Variants in FIGNL2 observed in about 807,000 individuals in gnomAD.
The protein encoded by FIGNL2 is fidgetin-like protein 2.
For missense variants in FIGNL2, 1,060 were observed against 950.2 expected (o/e 1.12, Z -1.52); for synonymous variants, 565 against 484.0 (o/e 1.17, Z -2.20).
At position 51,821,846 on chromosome 12, in the gene FIGNL2, G is replaced by C. The variant is rs1221438716; in HGVS notation, c.568C>G (p.Pro190Ala). The change falls in exon 2 of 2, where the codon CCC (proline) becomes GCC (alanine). Residue 190 changes from proline to alanine, a missense_variant. Transcript: ENST00000618634. The stretch of plus-strand genomic sequence containing the variant: ...GGCCCGTACCCCGGAGGCGGTGGGG[G>C]CTGCAGGAGCGCGGCCGGGGGCGGC... ...PPPPPAALLQ[P>A]PPPPGYGPSA... is the part of the protein sequence containing the mutation. 7.8e-7 allele frequency: 1 copy of C among 1,286,890 alleles called. No individual in the cohort carries two copies. Among genetic ancestry groups the C allele is most frequent in the Non-Finnish European group, 9.8e-7 (1 of 1,020,470 alleles). The allele number at this position is 1,286,890 out of a possible 1,614,324, so 79.7% of individuals were successfully genotyped here. A position where few individuals can be genotyped will look rare whatever the true frequency, so the allele number is the denominator to read the frequency against.
chr12:51,836,268 GGA>G (rs917901623), intron 1 of FIGNL2, among the ~76,000 whole-genome samples: 5 of 152,168 alleles, frequency 3.3e-5, no homozygotes, highest in African/African-American at 4.8e-5. Context: ...AGGCGGAGGA[GGA>G]GGAGAGGAAG....
At chr12:51,842,417 C>A (rs2139001339) in intron 1 of FIGNL2, among the ~76,000 whole-genome samples, 1 of 152,282 alleles carries the variant, frequency 6.6e-6, no homozygotes, top group East Asian at 1.9e-4. Context: ...TTTGCTCCAG[C>A]AGAAGGCAAC....
At position 51,821,157 on chromosome 12, in the gene FIGNL2, C is replaced by G. The variant is rs941382428; in HGVS notation, c.1257G>C (p.Pro419=). The stretch of plus-strand genomic sequence containing the variant: ...CGGTCCGCGGCGGGCGCAGGCTGCC[C>G]GGGTAGGCGGGCGGCCTGAGCAGGG... ...VWPLLRPPAY[P]GSLRPPRTVL... is the part of the protein sequence containing the mutation. Residue 419 remains proline (P), a synonymous_variant, in exon 2 of 2, where the codon CCG becomes CCC. Transcript: ENST00000618634. The G allele has an allele frequency of 1.8e-5, 26 of 1,476,442 alleles. No homozygotes were observed. The highest frequency in any genetic ancestry group is 2.2e-5 in the Non-Finnish European group (25 of 1,124,788). The allele number at this position is 1,476,442 out of a possible 1,614,324, so 91.5% of individuals were successfully genotyped here.
At chr12:51,844,451 G>A (rs1181049729) in intron 1 of FIGNL2, among the ~76,000 whole-genome samples, 3 of 152,198 alleles carry the variant, frequency 2.0e-5, no homozygotes, top group African/African-American at 7.2e-5. Context: ...CCTTGGCTAA[G>A]CAAACTGGGG....
chr12:51,822,573 C>T (rs1939247261), intron 1 of FIGNL2, 149 bp from the exon 2 acceptor site: 4 of 807,498 alleles, frequency 5.0e-6, no homozygotes, highest in African/African-American at 1.7e-5. Context: ...TCTTGGGGCC[C>T]TCCCTCCAGG....
At chr12:51,844,596 ACT>A (rs1939712775) in intron 1 of FIGNL2, 2 of 702,452 alleles carry the variant, frequency 2.8e-6, no homozygotes, top group African/African-American at 3.9e-5. Context: ...ACCATTCTTC[ACT>A]CTATTTTCTC....
chr12:51,847,683 C>T lies in FIGNL2; in HGVS notation c.-12+857G>A, dbSNP rs944613256. The T allele has an allele frequency of 2.5e-5, 25 of 985,284 alleles. No individual in the cohort carries two copies. The South Asian group carries it at 9.9e-4, about 39-fold the overall frequency. 61.0% of individuals were successfully genotyped at this position (985,284 alleles called of 1,614,324 possible). ...TCCTCCTCTGGCGGGGGCAGGGGGA[C>T]CAGCGGGGCTGGGGAAGGGCACCAG... On this transcript the variant is annotated intron_variant, in intron 1 of 1. Coordinates refer to ENST00000618634, the MANE Select transcript of FIGNL2 (RefSeq NM_001384995.1).
chr12:51,821,333 C>T lies in FIGNL2; in HGVS notation c.1081G>A (p.Val361Met), dbSNP rs1216582544. 1.3e-6 allele frequency: 2 copies of T among 1,500,788 alleles called. No individual in the cohort carries two copies. The highest frequency in any genetic ancestry group is 2.2e-5 in the Admixed American group (1 of 46,102). The allele number at this position is 1,500,788 out of a possible 1,614,324, so 93.0% of individuals were successfully genotyped here. The stretch of plus-strand genomic sequence containing the variant: ...CCTTTGGGAGTCTCCCCCGACGGCA[C>T]GGCGAACCCCCCACGAGGAGCCGGG... The part of the protein sequence containing the change: ...RAPAPRGGFA[V>M]PSGETPKGVD... Residue 361 changes from valine to methionine, a missense_variant, in exon 2 of 2, where the codon GTG (valine) becomes ATG (methionine). By Grantham distance (21) the Val-to-Met change is conservative (BLOSUM62 1). Transcript: ENST00000618634.
rs1939195776 is a variant in FIGNL2, at chr12:51,821,533, G to A, written c.881C>T (p.Ala294Val). Residue 294 changes from alanine to valine, a missense_variant, in exon 2 of 2, where the codon GCC (alanine) becomes GTC (valine). Transcript: ENST00000618634. ...GCCGTTGTCCGCGGCGGGGTAGGAG[G>A]CTCCGTCAGCCACGGGGGCCTTGGC... is the stretch of plus-strand genomic sequence containing the variant. ...EPAKAPVADG[A>V]SYPAADNGEC... 6.4e-7 allele frequency: 1 copy of A among 1,561,962 alleles called. No homozygotes were observed. Among genetic ancestry groups the A allele is most frequent in the Admixed American group, 1.8e-5 (1 of 56,972 alleles).
intron 1 of FIGNL2, chr12:51,835,391 C>T (rs993873969): frequency 6.6e-6 from 1 of 152,370 alleles, no homozygotes. Context: ...CCGCATTCCC[C>T]TTCGAGGCAG....
chr12:51,842,229 C>A (rs1291283736), intron 1 of FIGNL2: 3 of 152,234 alleles, frequency 2.0e-5, no homozygotes, highest in African/African-American at 7.2e-5. Flanking sequence ...TGAGGAGGGC[C>A]ACAGTGTGGA....
chr12:51,847,996 G>A, intron 1 of FIGNL2: 1 of 639,762 alleles, frequency 1.6e-6, no homozygotes, highest in Non-Finnish European at 1.9e-6. Flanking sequence ...TTAGGGGCGC[G>A]GGGACCCTAA....
Position 51,820,195 on chromosome 12 carries a change from C to T in FIGNL2, c.*257G>A. Reference sequence around the variant, plus strand: ...CCAGCCCATGCCGGATCTGCCCGGTCTGCCGGGCGGAGATGGCGAGCTTCC... The same window carrying T: ...CCAGCCCATGCCGGATCTGCCCGGTTTGCCGGGCGGAGATGGCGAGCTTCC... On this transcript the variant is annotated 3_prime_UTR_variant, in exon 2 of 2. Coordinates refer to ENST00000618634, the MANE Select transcript of FIGNL2 (RefSeq NM_001384995.1). 1 of 496,186 alleles carries T rather than the reference C, an allele frequency of 2.0e-6. No homozygotes were observed. Among genetic ancestry groups the T allele is most frequent in the South Asian group, 2.3e-5 (1 of 44,220 alleles). The allele number at this position is 496,186 out of a possible 1,614,324, so 30.7% of individuals were successfully genotyped here. A position where few individuals can be genotyped will look rare whatever the true frequency, so the allele number is the denominator to read the frequency against.
At chr12:51,848,083 C>CCACA (rs146738461) in intron 1 of FIGNL2, 199 of 886,008 alleles carry the variant, frequency 2.2e-4, no homozygotes, top group East Asian at 6.3e-4. Context: ...CCCACCCCTC[C>CCACA]CACACACACA....
At chr12:51,831,349 C>T (rs1939462385) in intron 1 of FIGNL2, among the ~76,000 whole-genome samples, 1 of 152,128 alleles carries the variant, frequency 6.6e-6, no homozygotes, top group Non-Finnish European at 1.5e-5. Context: ...CTCGGAGGCT[C>T]CAGGAGAAAA....
In FIGNL2 at chr12:51,820,255, G is replaced by A; in HGVS notation, c.*197C>T. The A allele has an allele frequency of 1.5e-6, 1 of 682,384 alleles. No individual in the cohort carries two copies. The highest frequency in any genetic ancestry group is 1.9e-5 in the South Asian group (1 of 51,860). 42.3% of individuals were successfully genotyped at this position (682,384 alleles called of 1,614,324 possible). ...TAAATAGGAAAAACCTGAGTACACG[G>A]CGCATATGGCATCTGCCTGGCAGAA... On this transcript the variant is annotated 3_prime_UTR_variant, in exon 2 of 2. Coordinates refer to ENST00000618634, the MANE Select transcript of FIGNL2 (RefSeq NM_001384995.1).
chr12:51,846,728 G>A (rs1939758369), intron 1 of FIGNL2, among the ~76,000 whole-genome samples: 1 of 152,086 alleles, frequency 6.6e-6, no homozygotes, highest in South Asian at 2.1e-4. Context: ...TCTGGGGCGG[G>A]GGTGGGGGCA....
rs1306664371 is a variant in FIGNL2 at position 51,821,600 on chromosome 12, C to G, written c.814G>C (p.Glu272Gln). 3 of 1,505,932 alleles carry G rather than the reference C, an allele frequency of 2.0e-6. No individual in the cohort carries two copies. The highest frequency in any genetic ancestry group is 2.6e-6 in the Non-Finnish European group (3 of 1,133,396). The allele number at this position is 1,505,932 out of a possible 1,614,324, so 93.3% of individuals were successfully genotyped here. ...TTGCGGTAGCGGCCCTCGGGCCCCTCGTCGGCGGCCTTGCGCTTCAGCGAC... is the reference window on the plus strand; with the variant it reads ...TTGCGGTAGCGGCCCTCGGGCCCCTGGTCGGCGGCCTTGCGCTTCAGCGAC... ...GLSLKRKAADEGPEGRYRKYA... is the reference protein window; with the variant it reads ...GLSLKRKAADQGPEGRYRKYA... Residue 272 changes from glutamate (E) to glutamine (Q), a missense_variant, in exon 2 of 2, where the codon GAG becomes CAG. By Grantham distance (29) the Glu-to-Gln change is conservative. Transcript: ENST00000618634.
At chr12:51,848,076 A>C (rs1432001418) in intron 1 of FIGNL2, 87 of 877,196 alleles carry the variant, frequency 9.9e-5, no homozygotes, top group East Asian at 1.4e-4. Context: ...CCCAGCCCCC[A>C]CCCCTCCCAC....
Sources: gnomAD v4.1 joint callset for allele counts (sites outside exome capture counted in the v4.1 genomes callset) on GRCh38, gnomAD v4.1.1 for gene constraint, MANE v1.5 for transcripts, NCBI Gene and HGNC (gene_info 2026-07-23, HGNC 2026-07-21) for gene names.